Variants in MYO3A observed in about 807,000 individuals in gnomAD.
The protein encoded by MYO3A is myosin IIIA.
MYO3A carries 180 observed loss-of-function variants against 192.7 expected under a neutral mutation model. The observed-to-expected ratio is 0.93, with a 90% confidence interval of 0.83 to 1.06. The LOEUF is 1.06. MYO3A is among the 50% of genes least tolerant of loss of function. The pLI is 0.00. For synonymous variants in MYO3A, 628 were observed against 645.3 expected (o/e 0.97, Z 0.41); for missense variants, 1,896 against 1,905.0 (o/e 1.00, Z 0.09).
At chr10:26,211,438 A>T (rs1028749519) in intron 34 of MYO3A, among the ~76,000 whole-genome samples, 1 of 152,236 alleles carries the variant, frequency 6.6e-6, no homozygotes, top group Non-Finnish European at 1.5e-5. Flanking sequence ...CAGTTTTAAA[A>T]TGCAAAATAT....
rs770114774 is a variant in MYO3A at position 26,066,983 on chromosome 10, G to A, written c.962G>A (p.Arg321His). Residue 321 changes from arginine to histidine, a missense_variant, in exon 11 of 35, where the codon CGT (arginine) becomes CAT (histidine). Transcript: ENST00000642920. ...AGCGTTTTTCTCCACAGACGTGAACGTATTCACACGAAGAAAGGGAACTTC... is the reference window on the plus strand; with the variant it reads ...AGCGTTTTTCTCCACAGACGTGAACATATTCACACGAAGAAAGGGAACTTC... ...MGGTEKARRERIHTKKGNFNR... is the reference protein window; with the variant it reads ...MGGTEKARREHIHTKKGNFNR... 1.6e-5 allele frequency: 26 copies of A among 1,608,670 alleles called. No individual in the cohort carries two copies. Among genetic ancestry groups the A allele is most frequent in the South Asian group, 3.3e-5 (3 of 91,004 alleles).
At chr10:25,988,362 A>G (rs186031212) in intron 4 of MYO3A, among the ~76,000 whole-genome samples, 1 of 148,806 alleles carries the variant, frequency 6.7e-6, no homozygotes, top group Non-Finnish European at 1.5e-5. Flanking sequence ...ACCTATTGAA[A>G]TTTAAAAAAA....
chr10:25,987,648 A>G (rs1839738464), intron 4 of MYO3A, among the ~76,000 whole-genome samples: 1 of 152,192 alleles, frequency 6.6e-6, no homozygotes, highest in African/African-American at 2.4e-5. Context: ...AATCAAAACC[A>G]CAATGTGAAA....
chr10:26,078,294 G>A (rs552827488), intron 14 of MYO3A, among the ~76,000 whole-genome samples: 1 of 152,072 alleles, frequency 6.6e-6, no homozygotes, highest in East Asian at 1.9e-4. Context: ...GTGTAAAGGT[G>A]TTCATAGTAG....
intron 4 of MYO3A, among the ~76,000 whole-genome samples, chr10:25,976,122 A>G (rs1704503981): frequency 6.6e-6 from 1 of 152,232 alleles, no homozygotes; most frequent in Admixed American, 6.5e-5. Flanking sequence ...TGGCAGAGCC[A>G]ATTGTACTCT....
chr10:26,208,052 AT>A (rs79735522), intron 34 of MYO3A, among the ~76,000 whole-genome samples: 12 of 150,204 alleles, frequency 8.0e-5, no homozygotes, highest in South Asian at 2.1e-4. Flanking sequence ...TGTTTTCTTG[AT>A]TTTTTTTTTG....
intron 26 of MYO3A, among the ~76,000 whole-genome samples, chr10:26,157,902 G>A (rs1841240109): frequency 1.3e-5 from 2 of 152,286 alleles, no homozygotes; most frequent in East Asian, 3.9e-4. Flanking sequence ...GTCACATCCT[G>A]TGTGGTGTAG....
intron 4 of MYO3A, among the ~76,000 whole-genome samples, chr10:25,994,806 ATTCTT>A (rs1840312122): frequency 6.6e-6 from 1 of 152,156 alleles, no homozygotes; most frequent in African/African-American, 2.4e-5. Context: ...TGGGTTGAAA[ATTCTT>A]TTCTTTAAGA....
intron 4 of MYO3A, among the ~76,000 whole-genome samples, chr10:25,978,130 AATTT>A (rs1839071242): frequency 6.6e-6 from 1 of 152,084 alleles, no homozygotes; most frequent in South Asian, 2.1e-4. Flanking sequence ...TTGTTTTAAT[AATTT>A]ATTCTATTCC....
intron 27 of MYO3A, among the ~76,000 whole-genome samples, chr10:26,166,721 C>T (rs899455417): frequency 6.6e-6 from 1 of 152,146 alleles, no homozygotes; most frequent in African/African-American, 2.4e-5. Flanking sequence ...TCATAATGAT[C>T]CAAATAAGAT....
intron 29 of MYO3A, among the ~76,000 whole-genome samples, chr10:26,173,070 A>T (rs1842129327): frequency 6.6e-6 from 1 of 150,590 alleles, no homozygotes; most frequent in South Asian, 2.1e-4. Context: ...AAAAAAAAAG[A>T]TGCAGAGAAA....
intron 14 of MYO3A, among the ~76,000 whole-genome samples, chr10:26,081,134 C>CCCCCCCCCTT: frequency 3.0e-5 from 1 of 32,832 alleles, no homozygotes; most frequent in African/African-American, 1.5e-4. Flanking sequence ...ATATGCCCTT[C>CCCCCCCCCTT]CCCCCCCCCC....
chr10:25,983,412 C>T (rs527762440), intron 4 of MYO3A, among the ~76,000 whole-genome samples: 8 of 152,026 alleles, frequency 5.3e-5, no homozygotes, highest in East Asian at 1.9e-4. Flanking sequence ...CCCGCCACCA[C>T]GCCCAGCTAA....
intron 17 of MYO3A, among the ~76,000 whole-genome samples, chr10:26,102,781 C>T (rs1212564949): frequency 2.0e-5 from 3 of 152,174 alleles, no homozygotes; most frequent in East Asian, 3.9e-4. Context: ...CAGAGGGGCA[C>T]CTGGCTATAT....
intron 31 of MYO3A, among the ~76,000 whole-genome samples, chr10:26,188,232 C>G (rs1329794321): frequency 6.6e-6 from 1 of 152,216 alleles, no homozygotes. Flanking sequence ...TTGCATTTCT[C>G]TGATGGCCAG....
At position 25,957,047 on chromosome 10, in the gene MYO3A, C is replaced by A. The variant is rs79063146; in HGVS notation, c.303+2039C>A. On this transcript the variant is annotated intron_variant, in intron 4 of 34. Transcript: ENST00000642920. ...GCCTCTGGCTCCAATCATGTTCCTG[C>A]AAAGGACATGATCTCAGTCTTTTTT... is the stretch of plus-strand genomic sequence containing the variant. Among the ~76,000 whole-genome samples, 1,425 of 152,298 alleles carry A rather than the reference C, an allele frequency of 9.4e-3. 11 individuals carry two copies. Among genetic ancestry groups the A allele is most frequent in the Non-Finnish European group, 0.016 (1,059 of 68,022 alleles).
At chr10:26,065,068 G>A (rs1834730640) in intron 10 of MYO3A, among the ~76,000 whole-genome samples, 1 of 152,102 alleles carries the variant, frequency 6.6e-6, no homozygotes, top group African/African-American at 2.4e-5. Flanking sequence ...GGAAAAAACC[G>A]AAAAAGATAC....
intron 11 of MYO3A, among the ~76,000 whole-genome samples, chr10:26,067,348 TA>T (rs1477205874): frequency 6.6e-6 from 1 of 152,022 alleles, no homozygotes; most frequent in Admixed American, 6.5e-5. Flanking sequence ...GCTCAACTGA[TA>T]GGGGTGAGGT....
At chr10:25,959,367 G>T (rs1445216437) in intron 4 of MYO3A, among the ~76,000 whole-genome samples, 4 of 152,020 alleles carry the variant, frequency 2.6e-5, no homozygotes, top group Non-Finnish European at 5.9e-5. Flanking sequence ...AGTTTCAAAG[G>T]GTTGATGAGA....
Sources: gnomAD v4.1 joint callset for allele counts (sites outside exome capture counted in the v4.1 genomes callset) on GRCh38, gnomAD v4.1.1 for gene constraint, MANE v1.5 for transcripts, NCBI Gene and HGNC (gene_info 2026-07-23, HGNC 2026-07-21) for gene names.